Variants in KCNT2 observed in about 807,000 individuals in gnomAD.
KCNT2 encodes potassium channel subfamily T member 2.
KCNT2 carries 67 observed loss-of-function variants against 153.8 expected under a neutral mutation model. The ratio of observed to expected loss-of-function variants is 0.44; its 90% CI spans 0.36 to 0.53. The LOEUF (loss-of-function observed/expected upper bound fraction) is 0.53. Among genes scored for constraint, KCNT2 ranks in the 20% least tolerant of loss-of-function variants. The pLI is 0.00. For synonymous variants in KCNT2, 500 were observed against 458.8 expected (o/e 1.09, Z -1.15); for missense variants, 975 against 1,354.8 (o/e 0.72, Z 4.40).
At chr1:196,443,012 G>A (rs1046176366) in intron 8 of KCNT2, among the ~76,000 whole-genome samples, 2 of 151,568 alleles carry the variant, frequency 1.3e-5, no homozygotes, top group African/African-American at 2.4e-5. Context: ...ATAAGGTGGT[G>A]ACTAAGAAGT....
intron 1 of KCNT2, among the ~76,000 whole-genome samples, chr1:196,499,287 T>A (rs954503279): frequency 4.6e-5 from 7 of 152,234 alleles, no homozygotes; most frequent in South Asian, 4.1e-4. Flanking sequence ...AGCACCAAGT[T>A]TGTGGTGCTT....
intron 1 of KCNT2, among the ~76,000 whole-genome samples, chr1:196,606,896 C>A (rs982319166): frequency 6.6e-5 from 10 of 152,096 alleles, no homozygotes; most frequent in Non-Finnish European, 1.5e-4. Context: ...AAATTATTTT[C>A]TTTATCTTCA....
intron 22 of KCNT2, among the ~76,000 whole-genome samples, chr1:196,290,065 G>A (rs544531410): frequency 6.6e-6 from 1 of 151,748 alleles, no homozygotes; most frequent in South Asian, 2.1e-4. Flanking sequence ...AAAATTATTG[G>A]ATTTAACAGA....
intron 13 of KCNT2, among the ~76,000 whole-genome samples, chr1:196,387,964 C>T (rs1480814868): frequency 2.8e-5 from 4 of 141,850 alleles, no homozygotes; most frequent in Non-Finnish European, 4.6e-5. Flanking sequence ...TTGTGGTTTT[C>T]GTGTGTCTCA....
chr1:196,376,155 G>A (rs572333900), intron 13 of KCNT2, among the ~76,000 whole-genome samples: 1 of 151,718 alleles, frequency 6.6e-6, no homozygotes, highest in South Asian at 2.1e-4. Flanking sequence ...CAAAGTTTAT[G>A]GATTATACAA....
intron 13 of KCNT2, among the ~76,000 whole-genome samples, chr1:196,379,256 G>A (rs1669249438): frequency 6.6e-6 from 1 of 151,772 alleles, no homozygotes; most frequent in Non-Finnish European, 1.5e-5. Context: ...CTCCTTTGTT[G>A]AAGAAAGTGT....
At chr1:196,428,338 T>C (rs1673833955) in intron 9 of KCNT2, 69 bp from the exon 10 acceptor site, 1 of 1,068,366 alleles carries the variant, frequency 9.4e-7, no homozygotes, top group Non-Finnish European at 1.4e-6. Context: ...GCAATACATC[T>C]ATTGTTTATT....
At chr1:196,529,765 A>C (rs1654701581) in intron 1 of KCNT2, among the ~76,000 whole-genome samples, 1 of 152,144 alleles carries the variant, frequency 6.6e-6, no homozygotes, top group African/African-American at 2.4e-5. Flanking sequence ...GCATTCATTA[A>C]TAGCAAATAA....
chr1:196,314,146 T>C (rs1251557580), intron 21 of KCNT2, among the ~76,000 whole-genome samples: 1 of 151,632 alleles, frequency 6.6e-6, no homozygotes, highest in African/African-American at 2.4e-5. Flanking sequence ...GGAATCAAAA[T>C]AATTCATCCA....
intron 27 of KCNT2, among the ~76,000 whole-genome samples, chr1:196,230,428 C>T (rs1035846047): frequency 1.3e-5 from 2 of 152,032 alleles, no homozygotes; most frequent in Non-Finnish European, 2.9e-5. Flanking sequence ...TGATAAGGCA[C>T]CTGGTCACCC....
At chr1:196,567,863 A>G (rs1477018867) in intron 1 of KCNT2, among the ~76,000 whole-genome samples, 1 of 152,220 alleles carries the variant, frequency 6.6e-6, no homozygotes, top group Non-Finnish European at 1.5e-5. Context: ...TTCTTTATCC[A>G]ATACTTTGAT....
chr1:196,348,763 C>T (rs1289010855), intron 14 of KCNT2, among the ~76,000 whole-genome samples: 4 of 152,038 alleles, frequency 2.6e-5, no homozygotes, highest in African/African-American at 4.8e-5. Flanking sequence ...CGGTGGCTCA[C>T]GCCTGTAATC....
intron 21 of KCNT2, among the ~76,000 whole-genome samples, chr1:196,314,755 G>A (rs1662540603): frequency 6.6e-6 from 1 of 151,648 alleles, no homozygotes; most frequent in Non-Finnish European, 1.5e-5. Context: ...GATATACATT[G>A]TGCCAGATAA....
At chr1:196,593,295 A>AATAT (rs200795914) in intron 1 of KCNT2, among the ~76,000 whole-genome samples, 9,847 of 128,442 alleles carry the variant, frequency 0.077, 494 homozygotes, top group East Asian at 0.23. Context: ...TCATATATAT[A>AATAT]ATATATATAT....
chr1:196,570,199 A>C lies in KCNT2; in HGVS notation c.95+38016T>G, dbSNP rs552757475. On this transcript the variant is annotated intron_variant, in intron 1 of 27. Transcript: ENST00000294725. The stretch of plus-strand genomic sequence containing the variant: ...AGCAACCAAAAACAGTAACAACAGC[A>C]AGAATAACCTGCTTTTTGGGTGAAA... Among the ~76,000 whole-genome samples, 6 of 152,268 alleles carry C rather than the reference A, an allele frequency of 3.9e-5. No individual in the cohort carries two copies. In the South Asian group the frequency reaches 1.2e-3, roughly 32 times the overall value.
intron 1 of KCNT2, among the ~76,000 whole-genome samples, chr1:196,539,699 A>T (rs1304975239): frequency 2.0e-5 from 3 of 152,068 alleles, no homozygotes; most frequent in Admixed American, 2.0e-4. Context: ...CAATGACATG[A>T]TCTCAATATT....
chr1:196,413,561 C>T (rs921160513), intron 12 of KCNT2, among the ~76,000 whole-genome samples: 3 of 151,456 alleles, frequency 2.0e-5, no homozygotes, highest in Non-Finnish European at 3.0e-5. Flanking sequence ...ATGTTACCAT[C>T]GTATAAAAAA....
chr1:196,442,204 A>C (rs940060086), intron 8 of KCNT2, among the ~76,000 whole-genome samples: 1 of 151,868 alleles, frequency 6.6e-6, no homozygotes, highest in East Asian at 1.9e-4. Context: ...AAATCACATA[A>C]GACAGTAAAT....
rs1425765109 is a variant in KCNT2, at chr1:196,404,029, A to G, written c.1186-5358T>C. On this transcript the variant is annotated intron_variant, in intron 12 of 27. Transcript: ENST00000294725. ...ACCATGCACTTGGTTACCCTTTGAC[A>G]TTCTTATCCCAAACTGAACTCATCT... 6 of 283,260 alleles carry G rather than the reference A, an allele frequency of 2.1e-5. No individual in the cohort carries two copies. In the Admixed American group the frequency reaches 3.9e-4, roughly 18 times the overall value. 17.5% of individuals were successfully genotyped at this position (283,260 alleles called of 1,614,324 possible).
Sources: gnomAD v4.1 joint callset for allele counts (sites outside exome capture counted in the v4.1 genomes callset) on GRCh38, gnomAD v4.1.1 for gene constraint, MANE v1.5 for transcripts, NCBI Gene and HGNC (gene_info 2026-07-23, HGNC 2026-07-21) for gene names.